Variants in ARHGAP24 observed in about 807,000 individuals in gnomAD.
The protein encoded by ARHGAP24 is Rho GTPase activating protein 24.
Under a neutral mutation model 76.4 loss-of-function variants are expected in ARHGAP24, and 50 were observed. The observed-to-expected ratio is 0.65, with a 90% CI of 0.52 to 0.83. ARHGAP24 has a LOEUF of 0.83. Ranked by LOEUF, ARHGAP24 falls within the 40% of genes least tolerant of loss-of-function variation. The probability of loss-of-function intolerance (pLI) is 0.00; values close to 1 mark genes in which losing one functional copy is unlikely to be tolerated. For missense variants in ARHGAP24, 930 were observed against 914.2 expected (o/e 1.02, Z -0.22); for synonymous variants, 345 against 323.3 (o/e 1.07, Z -0.72).
chr4:85,894,997 A>AC (rs1734082641), intron 3 of ARHGAP24, among the ~76,000 whole-genome samples: 2 of 38,384 alleles, frequency 5.2e-5, no homozygotes, highest in Non-Finnish European at 1.0e-4. Context: ...AACAAAACAA[A>AC]AAGCAAAAAA....
At chr4:85,673,857 C>CAAAG (rs2110003843) in intron 2 of ARHGAP24, among the ~76,000 whole-genome samples, 1 of 151,840 alleles carries the variant, frequency 6.6e-6, no homozygotes, top group East Asian at 2.0e-4. Flanking sequence ...CTTAGTCTGG[C>CAAAG]AAAGCACTTT....
chr4:85,752,858 AT>A (rs1222936715), intron 3 of ARHGAP24, among the ~76,000 whole-genome samples: 1 of 152,220 alleles, frequency 6.6e-6, no homozygotes, highest in Non-Finnish European at 1.5e-5. Flanking sequence ...GTTAACATTG[AT>A]TTATGATTCT....
At chr4:85,680,226 C>A (rs908310520) in intron 2 of ARHGAP24, among the ~76,000 whole-genome samples, 108 of 152,238 alleles carry the variant, frequency 7.1e-4, no homozygotes, top group African/African-American at 2.5e-3. Context: ...ATGAAACTAC[C>A]AAATTCCAGA....
At chr4:85,722,786 G>C (rs1013825907) in intron 3 of ARHGAP24, among the ~76,000 whole-genome samples, 2 of 152,168 alleles carry the variant, frequency 1.3e-5, no homozygotes, top group Admixed American at 1.3e-4. Context: ...ATATTGATTT[G>C]ATCACAGTCT....
chr4:85,960,477 G>A (rs57588485), intron 5 of ARHGAP24, among the ~76,000 whole-genome samples: 6,737 of 152,138 alleles, frequency 0.044, 522 homozygotes, highest in African/African-American at 0.15. Flanking sequence ...CATAGAACTA[G>A]AAGATGAACT....
intron 2 of ARHGAP24, among the ~76,000 whole-genome samples, chr4:85,660,297 ATATTTCTTGGATTT>A (rs1402072117): frequency 6.6e-6 from 1 of 152,162 alleles, no homozygotes; most frequent in Non-Finnish European, 1.5e-5. Flanking sequence ...ATATTGACCA[ATATTTCTTGGATTT>A]TATTTCCAAA....
chr4:85,854,566 A>C (rs1032798526), intron 3 of ARHGAP24, among the ~76,000 whole-genome samples: 1 of 152,210 alleles, frequency 6.6e-6, no homozygotes, highest in Non-Finnish European at 1.5e-5. Context: ...CCTTTTGGAA[A>C]GTTCCAAAAT....
chr4:85,728,759 A>G (rs1725276301), intron 3 of ARHGAP24, among the ~76,000 whole-genome samples: 1 of 152,182 alleles, frequency 6.6e-6, no homozygotes, highest in Non-Finnish European at 1.5e-5. Flanking sequence ...CTGGGAAAGA[A>G]AAAAGTTTGG....
chr4:85,788,084 A>G (rs976914383), intron 3 of ARHGAP24, among the ~76,000 whole-genome samples: 2 of 152,172 alleles, frequency 1.3e-5, no homozygotes, highest in Non-Finnish European at 2.9e-5. Context: ...ACGTAGCCAC[A>G]GGGTCTGTGG....
At chr4:85,939,497 C>T (rs1261057740) in intron 4 of ARHGAP24, among the ~76,000 whole-genome samples, 1 of 152,022 alleles carries the variant, frequency 6.6e-6, no homozygotes, top group Non-Finnish European at 1.5e-5. Flanking sequence ...ATGATAGTTA[C>T]TTTATGTGTT....
chr4:85,799,321 A>AT (rs1728487364), intron 3 of ARHGAP24, among the ~76,000 whole-genome samples: 1 of 152,136 alleles, frequency 6.6e-6, no homozygotes, highest in Non-Finnish European at 1.5e-5. Flanking sequence ...AGAAAAAAAA[A>AT]CAAAAAACAA....
chr4:85,874,561 G>A (rs989343248), intron 3 of ARHGAP24, among the ~76,000 whole-genome samples: 1 of 151,666 alleles, frequency 6.6e-6, no homozygotes, highest in Admixed American at 6.6e-5. Context: ...ATCCCTGACT[G>A]CTTCAAAACG....
chr4:85,852,564 G>A (rs1202156894), intron 3 of ARHGAP24, among the ~76,000 whole-genome samples: 1 of 152,138 alleles, frequency 6.6e-6, no homozygotes, highest in Non-Finnish European at 1.5e-5. Context: ...TTTCTGCTCT[G>A]GTTTCTCCCC....
At chr4:85,675,873 A>G (rs1460149695) in intron 2 of ARHGAP24, among the ~76,000 whole-genome samples, 4 of 152,130 alleles carry the variant, frequency 2.6e-5, no homozygotes, top group Non-Finnish European at 5.9e-5. Flanking sequence ...TGCTGTTCAT[A>G]TGTAATTATG....
chr4:85,643,884 A>G (rs902817830), intron 2 of ARHGAP24, among the ~76,000 whole-genome samples: 3 of 152,200 alleles, frequency 2.0e-5, no homozygotes, highest in African/African-American at 7.2e-5. Flanking sequence ...CTCCCAAGTA[A>G]GTCCAGGAAA....
At chr4:85,831,794 C>T (rs1039232856) in intron 3 of ARHGAP24, among the ~76,000 whole-genome samples, 4 of 151,362 alleles carry the variant, frequency 2.6e-5, no homozygotes, top group South Asian at 2.1e-4. Flanking sequence ...CCCAGGTACT[C>T]GGGAGGCTGA....
At chr4:85,573,693 T>G (rs1027450951) in intron 2 of ARHGAP24, among the ~76,000 whole-genome samples, 3 of 152,074 alleles carry the variant, frequency 2.0e-5, no homozygotes, top group Non-Finnish European at 2.9e-5. Context: ...GGAAAATAAT[T>G]TGTCCTAAAA....
intron 1 of ARHGAP24, among the ~76,000 whole-genome samples, chr4:85,499,259 A>C (rs1253853060): frequency 5.3e-5 from 8 of 152,356 alleles, no homozygotes; most frequent in Admixed American, 3.3e-4. Context: ...TGACTGGTCT[A>C]AAAAGGGCAT....
intron 5 of ARHGAP24, among the ~76,000 whole-genome samples, chr4:85,963,070 T>G (rs570491696): frequency 3.5e-4 from 53 of 152,200 alleles, no homozygotes; most frequent in African/African-American, 1.3e-3. Context: ...ATAGAATCTC[T>G]GTAGTTTGCA....
Sources: allele counts gnomAD v4.1 joint callset (sites outside exome capture counted in the v4.1 genomes callset), GRCh38; gene constraint gnomAD v4.1.1; transcripts MANE v1.5; gene names NCBI Gene and HGNC (gene_info 2026-07-23, HGNC 2026-07-21).